CSMD1: variants seen among roughly 807,000 people sequenced by gnomAD.
CSMD1 encodes the protein CUB and Sushi multiple domains 1.
A neutral mutation model predicts 417.5 loss-of-function variants in CSMD1; 213 were observed. The observed-to-expected ratio is 0.51, with a 90% confidence interval of 0.46 to 0.57. The LOEUF (loss-of-function observed/expected upper bound fraction) is 0.57, where lower values mean the gene tolerates loss of function less well. Among genes scored for constraint, CSMD1 ranks in the 20% least tolerant of loss-of-function variants. The probability of loss-of-function intolerance (pLI) is 0.00; values close to 1 mark genes in which losing one functional copy is unlikely to be tolerated. For missense variants in CSMD1, 6,923 were observed against 4,529.7 expected (o/e 1.53, Z -15.17); for synonymous variants, 2,862 against 1,736.8 (o/e 1.65, Z -16.11).
intron 59 of CSMD1, among the ~76,000 whole-genome samples, chr8:2,964,373 T>TG: frequency 6.6e-6 from 1 of 152,166 alleles, no homozygotes; most frequent in Non-Finnish European, 1.5e-5. Flanking sequence ...CAGCGAGGGC[T>TG]GGGGAAATGC....
chr8:3,653,427 G>C lies in CSMD1; in HGVS notation c.1010-36630C>G, dbSNP rs565640794. Among the ~76,000 whole-genome samples, 44 of 152,186 alleles carry C rather than the reference G, an allele frequency of 2.9e-4. No individual in the cohort carries two copies. The South Asian group carries it at 3.9e-3, about 14-fold the overall frequency. On this transcript the variant is annotated intron_variant, in intron 7 of 69. Transcript: ENST00000635120. The stretch of plus-strand genomic sequence containing the variant: ...GGATTCAAACGATTGTCCTGCCTCA[G>C]CCTCCCCAGTAGCTGGGATTATAGG...
intron 1 of CSMD1, chr8:4,787,864 T>A: frequency 8.9e-6 from 14 of 1,574,398 alleles, no homozygotes; most frequent in Admixed American, 1.7e-5. Context: ...GCCCCAGAAT[T>A]GTACACTGGT....
At chr8:3,504,837 A>G (rs1796755641) in intron 10 of CSMD1, among the ~76,000 whole-genome samples, 1 of 152,204 alleles carries the variant, frequency 6.6e-6, no homozygotes, top group Admixed American at 6.5e-5. Flanking sequence ...TCAAGAGAGT[A>G]GCAAGTTGAG....
chr8:3,264,575 A>C (rs143700664), intron 26 of CSMD1, among the ~76,000 whole-genome samples: 24 of 152,328 alleles, frequency 1.6e-4, no homozygotes, highest in African/African-American at 5.1e-4. Context: ...TAGAACAGAG[A>C]ATAAATATTA....
chr8:3,301,470 G>C (rs1804402551), intron 25 of CSMD1, among the ~76,000 whole-genome samples: 2 of 152,168 alleles, frequency 1.3e-5, no homozygotes, highest in African/African-American at 4.8e-5. Context: ...CTGATGAAGA[G>C]AAATGATGAG....
At chr8:4,039,053 C>CAA (rs1554523828) in intron 3 of CSMD1, among the ~76,000 whole-genome samples, 3 of 93,792 alleles carry the variant, frequency 3.2e-5, no homozygotes, top group East Asian at 1.1e-3. Flanking sequence ...AAGCATGATA[C>CAA]TACAATACAA....
At chr8:4,257,492 T>C (rs1485373739) in intron 3 of CSMD1, among the ~76,000 whole-genome samples, 1 of 152,230 alleles carries the variant, frequency 6.6e-6, no homozygotes, top group African/African-American at 2.4e-5. Flanking sequence ...TTTCTATTAA[T>C]TTTCATATTT....
At chr8:3,568,556 A>C (rs1164837828) in intron 10 of CSMD1, among the ~76,000 whole-genome samples, 2 of 152,228 alleles carry the variant, frequency 1.3e-5, no homozygotes, top group African/African-American at 4.8e-5. Context: ...AGTAGCTGAA[A>C]TTATGTCACC....
intron 3 of CSMD1, among the ~76,000 whole-genome samples, chr8:4,200,342 T>A (rs1368034562): frequency 6.6e-6 from 1 of 152,064 alleles, no homozygotes; most frequent in East Asian, 1.9e-4. Flanking sequence ...GTGTTTAGAG[T>A]CTGCTTAGCA....
At chr8:4,282,994 T>C (rs1796870754) in intron 3 of CSMD1, among the ~76,000 whole-genome samples, 1 of 152,190 alleles carries the variant, frequency 6.6e-6, no homozygotes. Context: ...TGCACATTAG[T>C]CATTCTGCCT....
At chr8:3,505,225 G>C (rs62474253) in intron 10 of CSMD1, among the ~76,000 whole-genome samples, 9 of 151,986 alleles carry the variant, frequency 5.9e-5, no homozygotes, top group Non-Finnish European at 1.2e-4. Flanking sequence ...TGCAATAATG[G>C]ATATAGAATA....
intron 11 of CSMD1, among the ~76,000 whole-genome samples, chr8:3,489,372 TA>T (rs1818237197): frequency 6.6e-6 from 1 of 152,208 alleles, no homozygotes; most frequent in African/African-American, 2.4e-5. Flanking sequence ...ACGGGCATTT[TA>T]AAACTGTAAC....
At chr8:3,073,237 C>G (rs1813431551) in intron 49 of CSMD1, among the ~76,000 whole-genome samples, 1 of 152,106 alleles carries the variant, frequency 6.6e-6, no homozygotes, top group African/African-American at 2.4e-5. Context: ...CATAGGAAAT[C>G]ATGCATGTAA....
At chr8:3,131,237 G>A (rs761207992) in intron 41 of CSMD1, among the ~76,000 whole-genome samples, 30 of 151,918 alleles carry the variant, frequency 2.0e-4, no homozygotes, top group Non-Finnish European at 3.5e-4. Context: ...TAATAACTGA[G>A]GCAACTTCAA....
chr8:3,078,452 C>G (rs991873337), intron 49 of CSMD1, among the ~76,000 whole-genome samples: 6 of 152,154 alleles, frequency 3.9e-5, no homozygotes, highest in African/African-American at 1.4e-4. Flanking sequence ...AAATGCCTGA[C>G]ATATAATTTG....
intron 1 of CSMD1, among the ~76,000 whole-genome samples, chr8:4,755,816 C>A (rs1003092840): frequency 1.3e-5 from 2 of 152,130 alleles, no homozygotes; most frequent in African/African-American, 2.4e-5. Context: ...ACGACACTAT[C>A]TTATTGTTAC....
chr8:3,156,312 C>T (rs1819527336), intron 39 of CSMD1, among the ~76,000 whole-genome samples: 1 of 152,158 alleles, frequency 6.6e-6, no homozygotes, highest in Admixed American at 6.6e-5. Flanking sequence ...GACAGCACCC[C>T]AGAAGTGTGA....
intron 26 of CSMD1, among the ~76,000 whole-genome samples, chr8:3,269,631 C>G (rs181474519): frequency 1.5e-4 from 23 of 152,254 alleles, no homozygotes; most frequent in Admixed American, 3.9e-4. Context: ...CCATTTTTCC[C>G]TGGGACTGGG....
intron 4 of CSMD1, among the ~76,000 whole-genome samples, chr8:4,016,198 T>C (rs1449102204): frequency 6.6e-6 from 1 of 152,188 alleles, no homozygotes; most frequent in African/African-American, 2.4e-5. Context: ...CAGAGAGGTT[T>C]AGTCTAAGTA....
Sources: gnomAD v4.1 joint callset for allele counts (sites outside exome capture counted in the v4.1 genomes callset) on GRCh38, gnomAD v4.1.1 for gene constraint, MANE v1.5 for transcripts, NCBI Gene and HGNC (gene_info 2026-07-23, HGNC 2026-07-21) for gene names.